Variants in GALNT13 observed in about 807,000 individuals in gnomAD.
The protein encoded by GALNT13 is UDP-GalNAc:polypeptide N-acetylgalactosaminyltransferase 13.
A neutral mutation model predicts 64.2 loss-of-function variants in GALNT13; 28 were observed. The ratio of observed to expected loss-of-function variants is 0.44; its 90% CI spans 0.32 to 0.60. The LOEUF is 0.60. Among genes scored for constraint, GALNT13 ranks in the 20% least tolerant of loss-of-function variants. The probability of loss-of-function intolerance (pLI) is 0.05; values close to 1 mark genes in which losing one functional copy is unlikely to be tolerated. For missense variants in GALNT13, 577 were observed against 669.8 expected, an observed-to-expected ratio of 0.86 and a Z score of 1.53; for synonymous variants, 214 against 224.6, an observed-to-expected ratio of 0.95 and a Z score of 0.42.
intron 2 of GALNT13, among the ~76,000 whole-genome samples, chr2:153,918,016 G>A (rs1030149533): frequency 1.3e-5 from 2 of 151,952 alleles, no homozygotes; most frequent in Admixed American, 1.3e-4. Flanking sequence ...ACATGTGTGA[G>A]TGCAGAGGTT....
intron 8 of GALNT13, among the ~76,000 whole-genome samples, chr2:154,298,886 A>G (rs982066299): frequency 2.9e-5 from 2 of 69,062 alleles, no homozygotes; most frequent in Non-Finnish European, 6.0e-5. Flanking sequence ...TATATTATTT[A>G]TATATACATT....
the GALNT13 span, among the ~76,000 whole-genome samples, chr2:153,069,638 C>T: frequency 3.3e-5 from 5 of 152,156 alleles, no homozygotes; most frequent in East Asian, 1.9e-4. Context: ...ACTATAGTCC[C>T]ATGCTTGTTC....
At chr2:153,159,384 A>G in the GALNT13 span, 2 of 152,346 alleles carry the variant, frequency 1.3e-5, no homozygotes, top group African/African-American at 2.4e-5. Context: ...CAAATCCAGG[A>G]TACCATTGAT....
At chr2:153,367,186 C>A in the GALNT13 span, among the ~76,000 whole-genome samples, 1 of 151,772 alleles carries the variant, frequency 6.6e-6, no homozygotes, top group Non-Finnish European at 1.5e-5. Context: ...TAAATTGTTC[C>A]AAAGGATAAC....
chr2:154,226,959 G>A (rs1445300246), intron 4 of GALNT13, among the ~76,000 whole-genome samples: 2 of 152,054 alleles, frequency 1.3e-5, no homozygotes, highest in East Asian at 3.9e-4. Context: ...TTCTCACAAA[G>A]CCCCCATTTT....
At chr2:154,122,559 T>G (rs555166137) in intron 3 of GALNT13, among the ~76,000 whole-genome samples, 34 of 152,194 alleles carry the variant, frequency 2.2e-4, no homozygotes, top group African/African-American at 7.2e-4. Context: ...GGCCTGGTGC[T>G]TTCTTTGTTG....
intron 3 of GALNT13, among the ~76,000 whole-genome samples, chr2:154,084,525 A>T (rs960046803): frequency 3.9e-5 from 6 of 151,918 alleles, no homozygotes; most frequent in African/African-American, 7.2e-5. Flanking sequence ...ACTTGGAAAC[A>T]TATTTTATAC....
the GALNT13 span, among the ~76,000 whole-genome samples, chr2:153,629,560 G>C: frequency 6.6e-6 from 1 of 152,156 alleles, no homozygotes; most frequent in Non-Finnish European, 1.5e-5. Context: ...AGAAAACCTA[G>C]TCATTACCAT....
chr2:153,346,926 C>A, the GALNT13 span, among the ~76,000 whole-genome samples: 1 of 152,140 alleles, frequency 6.6e-6, no homozygotes, highest in Non-Finnish European at 1.5e-5. Flanking sequence ...TAAGATCATA[C>A]CAATAGGGCT....
chr2:154,188,576 T>A (rs747409064), intron 4 of GALNT13, among the ~76,000 whole-genome samples: 68 of 152,154 alleles, frequency 4.5e-4, no homozygotes, highest in Non-Finnish European at 9.1e-4. Flanking sequence ...TTTATTAATG[T>A]TAAAGCAAAA....
At chr2:153,702,399 C>A in the GALNT13 span, among the ~76,000 whole-genome samples, 1 of 152,088 alleles carries the variant, frequency 6.6e-6, no homozygotes, top group Non-Finnish European at 1.5e-5. Flanking sequence ...GTGCAGCAAA[C>A]CACCATGGCA....
At chr2:154,173,283 G>T (rs1363621460) in intron 4 of GALNT13, among the ~76,000 whole-genome samples, 1 of 151,726 alleles carries the variant, frequency 6.6e-6, no homozygotes, top group Non-Finnish European at 1.5e-5. Flanking sequence ...GTAGAAGAAT[G>T]AAACTAGACC....
At chr2:154,261,433 C>T (rs1690691021) in intron 8 of GALNT13, among the ~76,000 whole-genome samples, 1 of 151,964 alleles carries the variant, frequency 6.6e-6, no homozygotes, top group Non-Finnish European at 1.5e-5. Context: ...AATATGTTTG[C>T]TTAATGGTTT....
At chr2:153,317,395 C>T in the GALNT13 span, among the ~76,000 whole-genome samples, 1 of 152,092 alleles carries the variant, frequency 6.6e-6, no homozygotes, top group Admixed American at 6.5e-5. Flanking sequence ...TTTGACTTCT[C>T]ACCTGCTGAC....
the GALNT13 span, among the ~76,000 whole-genome samples, chr2:153,721,407 C>T: frequency 2.7e-4 from 38 of 142,186 alleles, no homozygotes; most frequent in Non-Finnish European, 4.4e-4. Context: ...CATCAACTAA[C>T]GAGCAAAATC....
intron 9 of GALNT13, among the ~76,000 whole-genome samples, chr2:154,319,970 A>T (rs1039369990): frequency 1.2e-4 from 18 of 152,246 alleles, no homozygotes; most frequent in Middle Eastern, 3.4e-3. Flanking sequence ...AAGTGCTGAC[A>T]TATATATACA....
the GALNT13 span, among the ~76,000 whole-genome samples, chr2:153,768,802 C>T: frequency 6.6e-6 from 1 of 152,122 alleles, no homozygotes; most frequent in African/African-American, 2.4e-5. Context: ...GGAGGCGGAG[C>T]TTACAGTGAG....
At chr2:153,640,094 G>A in the GALNT13 span, among the ~76,000 whole-genome samples, 32 of 152,232 alleles carry the variant, frequency 2.1e-4, no homozygotes, top group Non-Finnish European at 2.9e-5. Context: ...TAGTAATGGT[G>A]ACATGGAGGT....
intron 2 of GALNT13, among the ~76,000 whole-genome samples, chr2:153,913,131 G>A (rs1465545744): frequency 1.3e-5 from 2 of 152,160 alleles, no homozygotes; most frequent in African/African-American, 4.8e-5. Flanking sequence ...GTTCACACTG[G>A]TGGTGGTGGC....
Sources: allele counts gnomAD v4.1 joint callset (sites outside exome capture counted in the v4.1 genomes callset), GRCh38; gene constraint gnomAD v4.1.1; transcripts MANE v1.5; gene names NCBI Gene and HGNC (gene_info 2026-07-23, HGNC 2026-07-21).